The following BCL2 variants were observed in gnomAD, a reference collection of about 807,000 sequenced individuals.
The protein encoded by BCL2 is BCL2 apoptosis regulator.
Under a neutral mutation model 14.2 loss-of-function variants are expected in BCL2, and 1 was observed. That is an observed-to-expected ratio of 0.07 (90% CI 0.02 to 0.33). BCL2 has a LOEUF of 0.33. Among genes scored for constraint, BCL2 ranks in the 10% least tolerant of loss-of-function variants. The pLI, the probability that BCL2 is intolerant of heterozygous loss-of-function variation, is 0.99. For synonymous variants in BCL2, 151 were observed against 137.2 expected, an observed-to-expected ratio of 1.10 and a Z score of -0.70; for missense variants, 247 against 305.9, an observed-to-expected ratio of 0.81 and a Z score of 1.44.
At chr18:63,229,226 T>C (rs956526324) in intron 2 of BCL2, among the ~76,000 whole-genome samples, 5 of 152,142 alleles carry the variant, frequency 3.3e-5, no homozygotes, top group African/African-American at 1.2e-4. Flanking sequence ...ACTTAATACA[T>C]TAAAAATAGA....
At chr18:63,193,934 A>G (rs1909367060) in intron 2 of BCL2, among the ~76,000 whole-genome samples, 1 of 152,198 alleles carries the variant, frequency 6.6e-6, no homozygotes, top group Non-Finnish European at 1.5e-5. Flanking sequence ...AATCATATTC[A>G]TCTTTCACAG....
chr18:63,154,701 T>G (rs917811238), intron 2 of BCL2, among the ~76,000 whole-genome samples: 9 of 152,118 alleles, frequency 5.9e-5, no homozygotes, highest in Admixed American at 3.9e-4. Flanking sequence ...CATCATGCCC[T>G]TTTCTTATTC....
intron 2 of BCL2, among the ~76,000 whole-genome samples, chr18:63,287,560 C>G (rs2144263610): frequency 6.6e-6 from 1 of 152,188 alleles, no homozygotes; most frequent in Non-Finnish European, 1.5e-5. Flanking sequence ...CTGACCTGTT[C>G]TGTATACTGA....
At chr18:63,178,192 C>A (rs1322019750) in intron 2 of BCL2, among the ~76,000 whole-genome samples, 3 of 152,154 alleles carry the variant, frequency 2.0e-5, no homozygotes, top group Non-Finnish European at 4.4e-5. Context: ...AAAATGACAC[C>A]GCGTAAGGGA....
At chr18:63,296,782 CA>C (rs1912808827) in intron 2 of BCL2, among the ~76,000 whole-genome samples, 1 of 152,186 alleles carries the variant, frequency 6.6e-6, no homozygotes, top group Non-Finnish European at 1.5e-5. Context: ...AAGGGCTACA[CA>C]ACTGTAGCTC....
intron 2 of BCL2, among the ~76,000 whole-genome samples, chr18:63,215,195 C>T (rs1474815607): frequency 3.3e-5 from 5 of 152,172 alleles, no homozygotes; most frequent in African/African-American, 7.2e-5. Flanking sequence ...TTAGAGGCAT[C>T]GTCCCTTGGC....
At position 63,180,196 on chromosome 18, in the gene BCL2, G is replaced by A. The variant is rs916335071; in HGVS notation, c.586-51437C>T. Among the ~76,000 whole-genome samples, 4 of 152,092 alleles carry A rather than the reference G, an allele frequency of 2.6e-5. No homozygotes were observed. In the East Asian group the frequency reaches 5.8e-4, roughly 22 times the overall value. On this transcript the variant is annotated intron_variant, in intron 2 of 2. Coordinates refer to ENST00000333681, the MANE Select transcript of BCL2 (RefSeq NM_000633.3). ...AGCTGATATTTTATTAACCCCTGAC[G>A]GCTTATGGAAAATGTGTTTTAGCCA...
intron 2 of BCL2, among the ~76,000 whole-genome samples, chr18:63,176,428 T>C (rs1295430930): frequency 6.6e-6 from 1 of 152,194 alleles, no homozygotes; most frequent in Non-Finnish European, 1.5e-5. Flanking sequence ...GCCTAGACCG[T>C]GTCAGGCACA....
intron 2 of BCL2, among the ~76,000 whole-genome samples, chr18:63,192,513 C>T (rs1321471372): frequency 6.6e-6 from 1 of 152,158 alleles, no homozygotes; most frequent in Non-Finnish European, 1.5e-5. Flanking sequence ...GCCCATACAT[C>T]TTTTCCACAA....
chr18:63,301,791 C>T (rs1912967608), intron 2 of BCL2, among the ~76,000 whole-genome samples: 1 of 152,182 alleles, frequency 6.6e-6, no homozygotes, highest in Non-Finnish European at 1.5e-5. Context: ...GTGCGCCTGT[C>T]CACGGCACAG....
At chr18:63,185,895 A>G (rs1223849751) in intron 2 of BCL2, among the ~76,000 whole-genome samples, 1 of 152,232 alleles carries the variant, frequency 6.6e-6, no homozygotes, top group Non-Finnish European at 1.5e-5. Context: ...TTTCCATTAC[A>G]TATGCCATAC....
At chr18:63,213,802 C>G (rs1910120984) in intron 2 of BCL2, among the ~76,000 whole-genome samples, 1 of 152,128 alleles carries the variant, frequency 6.6e-6, no homozygotes, top group Non-Finnish European at 1.5e-5. Flanking sequence ...ACTTGACATT[C>G]TTTCTCAGAG....
At chr18:63,288,670 C>T (rs186878051) in intron 2 of BCL2, among the ~76,000 whole-genome samples, 1 of 152,326 alleles carries the variant, frequency 6.6e-6, no homozygotes, top group East Asian at 1.9e-4. Flanking sequence ...GAGTTTTCAA[C>T]ACCATCACAG....
intron 2 of BCL2, among the ~76,000 whole-genome samples, chr18:63,198,634 A>G (rs1194018955): frequency 2.0e-5 from 3 of 148,992 alleles, no homozygotes; most frequent in Non-Finnish European, 3.0e-5. Flanking sequence ...AGACACAGAG[A>G]CACACACACA....
chr18:63,300,152 G>T (rs575641872), intron 2 of BCL2, among the ~76,000 whole-genome samples: 17 of 152,248 alleles, frequency 1.1e-4, no homozygotes, highest in Non-Finnish European at 4.4e-5. Context: ...CTAAATATGT[G>T]TACAACTTAA....
Position 63,169,403 on chromosome 18 carries a change from TTTTCTTTCTCTCTCTCTCTCTC to T in BCL2, c.586-40666_586-40645del, listed in dbSNP as rs1568222824. Among the ~76,000 whole-genome samples the T allele has an allele frequency of 5.3e-3, 541 of 102,442 alleles. 23 individuals are homozygous for T. Among genetic ancestry groups the T allele is most frequent in the African/African-American group, 0.019 (331 of 17,702 alleles). 67.2% of individuals were successfully genotyped at this position (102,442 alleles called of 152,430 possible). ...TCTTTCTTTCTTTTTCTTTCTTTCT[TTTTCTTTCTCTCTCTCTCTCTC>T]TCTTTCTTTTTCTTTCTTTCCTTTC... On this transcript the variant is annotated intron_variant, in intron 2 of 2. Coordinates refer to ENST00000333681, the MANE Select transcript of BCL2 (RefSeq NM_000633.3).
chr18:63,249,709 C>CAAAAAA (rs11285614), intron 2 of BCL2, among the ~76,000 whole-genome samples: 1 of 52,896 alleles, frequency 1.9e-5, no homozygotes, highest in South Asian at 6.5e-4. Context: ...GACTCCGCCT[C>CAAAAAA]AAAAAAAAAA....
intron 2 of BCL2, among the ~76,000 whole-genome samples, chr18:63,138,209 G>A (rs959586834): frequency 6.6e-6 from 1 of 152,270 alleles, no homozygotes; most frequent in Non-Finnish European, 1.5e-5. Flanking sequence ...CGCACTGGCG[G>A]CTGGGAGTGG....
chr18:63,199,715 C>G (rs1412122528), intron 2 of BCL2, among the ~76,000 whole-genome samples: 1 of 152,112 alleles, frequency 6.6e-6, no homozygotes, highest in Non-Finnish European at 1.5e-5. Context: ...TGCACAGACA[C>G]ACAGACACTG....
Sources: allele counts gnomAD v4.1 joint callset (sites outside exome capture counted in the v4.1 genomes callset), GRCh38; gene constraint gnomAD v4.1.1; transcripts MANE v1.5; gene names NCBI Gene and HGNC (gene_info 2026-07-23, HGNC 2026-07-21).